Variants in SLCO1A2 observed in about 807,000 individuals in gnomAD.
The protein encoded by SLCO1A2 is OATP-1.
SLCO1A2 carries 67 observed loss-of-function variants against 69.0 expected under a neutral mutation model. The ratio of observed to expected loss-of-function variants is 0.97; its 90% CI spans 0.80 to 1.19. SLCO1A2 has a LOEUF of 1.19. Among genes scored for constraint, SLCO1A2 ranks in the 50% most tolerant of loss-of-function variants. The pLI is 0.00. For synonymous variants in SLCO1A2, 260 were observed against 265.9 expected, an observed-to-expected ratio of 0.98 and a Z score of 0.22; for missense variants, 787 against 793.7, an observed-to-expected ratio of 0.99 and a Z score of 0.10.
chr12:21,278,134 T>C (rs1591779512), intron 12 of SLCO1A2, among the ~76,000 whole-genome samples: 1 of 152,106 alleles, frequency 6.6e-6, no homozygotes, highest in Non-Finnish European at 1.5e-5. Context: ...GTGGTGGTGG[T>C]GGTGGCCATG....
intron 2 of SLCO1A2, among the ~76,000 whole-genome samples, chr12:21,347,665 A>AAGGAAGGAAGG (rs1565510400): frequency 4.7e-4 from 3 of 6,390 alleles, no homozygotes; most frequent in Non-Finnish European, 1.8e-3. Context: ...AAGAAGAAAG[A>AAGGAAGGAAGG]AAGAAAGGAA....
chr12:21,308,754 G>A (rs1949739521), intron 4 of SLCO1A2, among the ~76,000 whole-genome samples: 1 of 152,188 alleles, frequency 6.6e-6, no homozygotes. Flanking sequence ...TCTGAGCCAT[G>A]TGCGAAACAG....
upstream of SLCO1A2, among the ~76,000 whole-genome samples, chr12:21,339,239 C>T (rs972132859): frequency 1.3e-5 from 2 of 151,954 alleles, no homozygotes; most frequent in African/African-American, 4.8e-5. Flanking sequence ...TGTGCCTGCT[C>T]TCAAGTGACC....
chr12:21,328,462 AT>A (rs770973960), intron 2 of SLCO1A2, among the ~76,000 whole-genome samples: 1 of 152,088 alleles, frequency 6.6e-6, no homozygotes, highest in Non-Finnish European at 1.5e-5. Flanking sequence ...ACAGACATCA[AT>A]CCTACTGCTA....
chr12:21,347,276 A>C (rs71436840), intron 2 of SLCO1A2, among the ~76,000 whole-genome samples: 5,282 of 152,326 alleles, frequency 0.035, 140 homozygotes, highest in Non-Finnish European at 0.052. Flanking sequence ...ACAAAACCAG[A>C]GGCAGAATGC....
intron 10 of SLCO1A2, 73 bp from the exon 11 acceptor site, chr12:21,294,183 TC>T: frequency 8.3e-7 from 1 of 1,199,446 alleles, no homozygotes; most frequent in Non-Finnish European, 1.1e-6. Context: ...TTCATCTCAA[TC>T]CCCAGTTAGA....
At chr12:21,319,415 G>A in intron 2 of SLCO1A2, 1 of 1,367,776 alleles carries the variant, frequency 7.3e-7, no homozygotes, top group Non-Finnish European at 9.8e-7. Flanking sequence ...GCAATTCTTG[G>A]TCAGAAACAT....
At chr12:21,299,650 G>A (rs1189967297) in intron 8 of SLCO1A2, among the ~76,000 whole-genome samples, 2 of 149,726 alleles carry the variant, frequency 1.3e-5, no homozygotes, top group East Asian at 3.9e-4. Flanking sequence ...ATTAAGATTA[G>A]AGTATACTTT....
intron 2 of SLCO1A2, among the ~76,000 whole-genome samples, chr12:21,351,971 G>A (rs181840382): frequency 6.6e-6 from 1 of 152,130 alleles, no homozygotes; most frequent in Admixed American, 6.5e-5. Flanking sequence ...TTGCCCTTAG[G>A]AGGACTTTTC....
chr12:21,388,215 G>A (rs575179235), intron 1 of SLCO1A2, among the ~76,000 whole-genome samples: 4 of 152,174 alleles, frequency 2.6e-5, no homozygotes, highest in Admixed American at 1.3e-4. Context: ...GCTGAAATGA[G>A]TTAAGACTTT....
chr12:21,334,790 A>T, intron 1 of SLCO1A2, 37 bp downstream of exon 1: 1 of 635,360 alleles, frequency 1.6e-6, no homozygotes, highest in East Asian at 2.8e-5. Flanking sequence ...GCTGAAAATG[A>T]ACAACATAAT....
chr12:21,367,704 G>A (rs1053128878), intron 2 of SLCO1A2, among the ~76,000 whole-genome samples: 11 of 151,730 alleles, frequency 7.2e-5, no homozygotes, highest in African/African-American at 2.2e-4. Flanking sequence ...ATAAAATCAC[G>A]CCATTCATCA....
intron 1 of SLCO1A2, among the ~76,000 whole-genome samples, chr12:21,376,068 C>G (rs1041602411): frequency 6.6e-6 from 1 of 152,096 alleles, no homozygotes; most frequent in Non-Finnish European, 1.5e-5. Flanking sequence ...ATGATAAAAA[C>G]ATAAATGCTT....
At chr12:21,319,381 C>T (rs775329720) in intron 2 of SLCO1A2, 2 of 1,367,960 alleles carry the variant, frequency 1.5e-6, no homozygotes, top group Admixed American at 3.8e-5. Flanking sequence ...CCTTGGCCGA[C>T]TCCACTCTTT....
At chr12:21,362,004 A>G (rs994345157) in intron 2 of SLCO1A2, among the ~76,000 whole-genome samples, 2 of 152,202 alleles carry the variant, frequency 1.3e-5, no homozygotes, top group Non-Finnish European at 2.9e-5. Flanking sequence ...TCCCCAACCT[A>G]GCGGGGAAGG....
rs772180106 is a variant in SLCO1A2, at chr12:21,269,294, G to A, written c.*254C>T. On this transcript the variant is annotated 3_prime_UTR_variant, in exon 15 of 15. Coordinates refer to ENST00000683939, the MANE Select transcript of SLCO1A2 (RefSeq NM_001386879.1). ...CTTCGATGAATTAAGGGAAATTGCT[G>A]TTTCAACATAAAAATAAAGCTGGCT... The A allele has an allele frequency of 2.7e-5, 8 of 300,404 alleles. No homozygotes were observed. The highest frequency in any genetic ancestry group is 4.3e-5 in the Non-Finnish European group (7 of 163,904). The allele number at this position is 300,404 out of a possible 1,614,324, so 18.6% of individuals were successfully genotyped here. A position where few individuals can be genotyped will look rare whatever the true frequency, so the allele number is the denominator to read the frequency against.
At chr12:21,382,781 G>GA (rs1031971073) in intron 1 of SLCO1A2, among the ~76,000 whole-genome samples, 8 of 104,186 alleles carry the variant, frequency 7.7e-5, no homozygotes, top group African/African-American at 3.1e-4. Context: ...GGCGACAGAA[G>GA]AAACTCCGTC....
At chr12:21,359,771 C>G (rs1398984054) in intron 2 of SLCO1A2, among the ~76,000 whole-genome samples, 1 of 151,724 alleles carries the variant, frequency 6.6e-6, no homozygotes, top group Admixed American at 6.6e-5. Context: ...AATCAATGGA[C>G]TTCTTACCTC....
intron 2 of SLCO1A2, among the ~76,000 whole-genome samples, chr12:21,358,740 C>T (rs1047428611): frequency 4.2e-5 from 6 of 141,494 alleles, no homozygotes; most frequent in East Asian, 2.2e-4. Context: ...AAATAAAAAG[C>T]GGTTTGTTGG....
Sources: gnomAD v4.1 joint callset for allele counts (sites outside exome capture counted in the v4.1 genomes callset) on GRCh38, gnomAD v4.1.1 for gene constraint, MANE v1.5 for transcripts, NCBI Gene and HGNC (gene_info 2026-07-23, HGNC 2026-07-21) for gene names.